MAML1: variants seen among roughly 807,000 people sequenced by gnomAD.
The protein encoded by MAML1 is mastermind like transcriptional coactivator 1.
In MAML1, 14 loss-of-function variants were observed where a neutral mutation model predicts 77.1. The observed-to-expected ratio is 0.18, with a 90% CI of 0.12 to 0.28. MAML1 has a LOEUF of 0.28. Among genes scored for constraint, MAML1 ranks in the 10% least tolerant of loss-of-function variants. The pLI is 1.00. For synonymous variants in MAML1, 516 were observed against 551.9 expected, an observed-to-expected ratio of 0.93 and a Z score of 0.91; for missense variants, 1,217 against 1,327.8, an observed-to-expected ratio of 0.92 and a Z score of 1.30.
At chr5:179,739,932 G>A (rs911871655) in intron 1 of MAML1, among the ~76,000 whole-genome samples, 1 of 152,172 alleles carries the variant, frequency 6.6e-6, no homozygotes, top group African/African-American at 2.4e-5. Flanking sequence ...TAGCGAATAG[G>A]ACAAATTAAA....
Position 179,773,903 on chromosome 5 carries a change from G to C in MAML1, c.2077G>C (p.Ala693Pro), listed in dbSNP as rs1406377494. ...TCTTCTCTGTCTTGTAGGGTCCTCT[G>C]CTGCCGTGCCCGGCATGAACACCTT... The part of the protein sequence containing the change: ...QQVGQFTGSS[A>P]AVPGMNTLGP... Residue 693 changes from alanine to proline, a missense_variant, in exon 5 of 5, where the codon GCT becomes CCT. By Grantham distance (27) the Ala-to-Pro change is conservative. Coordinates refer to ENST00000292599, the MANE Select transcript of MAML1 (RefSeq NM_014757.5). The C allele has an allele frequency of 1.2e-6, 2 of 1,612,796 alleles. No individual in the cohort carries two copies. Among genetic ancestry groups the C allele is most frequent in the Admixed American group, 1.7e-5 (1 of 60,000 alleles).
chr5:179,768,667 G>A (rs776660329), intron 2 of MAML1, among the ~76,000 whole-genome samples, 183 bp from the exon 3 acceptor site: 6 of 152,220 alleles, frequency 3.9e-5, no homozygotes, highest in South Asian at 2.1e-4. Flanking sequence ...GTTGCTAGGC[G>A]CCTGTATGCT....
chr5:179,748,817 A>G (rs1779431409), intron 1 of MAML1, among the ~76,000 whole-genome samples: 1 of 151,984 alleles, frequency 6.6e-6, no homozygotes, highest in Non-Finnish European at 1.5e-5. Context: ...TTTGGACTTC[A>G]TGGCAGCAGC....
Position 179,775,228 on chromosome 5 carries a change from G to A in MAML1, c.*351G>A. 1 of 1,034,656 alleles carries A rather than the reference G, an allele frequency of 9.7e-7. No individual in the cohort carries two copies. The highest frequency in any genetic ancestry group is 1.2e-6 in the Non-Finnish European group (1 of 862,226). 64.1% of individuals were successfully genotyped at this position (1,034,656 alleles called of 1,614,324 possible). A position where few individuals can be genotyped will look rare whatever the true frequency, so the allele number is the denominator to read the frequency against. ...TTATAAAAATCTGTGCCATCATGGT[G>A]ATTTTATCCAAGACTGCTCCACTTA... On this transcript the variant is annotated 3_prime_UTR_variant, in exon 5 of 5. Coordinates refer to ENST00000292599, the MANE Select transcript of MAML1 (RefSeq NM_014757.5).
At chr5:179,758,565 T>C (rs1779669182) in intron 1 of MAML1, among the ~76,000 whole-genome samples, 1 of 151,718 alleles carries the variant, frequency 6.6e-6, no homozygotes, top group Non-Finnish European at 1.5e-5. Context: ...TAATTATTTA[T>C]TTTTTTTAGA....
At chr5:179,763,893 A>G (rs1779764383) in intron 1 of MAML1, among the ~76,000 whole-genome samples, 1 of 133,454 alleles carries the variant, frequency 7.5e-6, no homozygotes, top group Non-Finnish European at 1.6e-5. Context: ...GGTTTATGGG[A>G]AGGGGGGATG....
At chr5:179,746,403 G>T (rs960621412) in intron 1 of MAML1, among the ~76,000 whole-genome samples, 16 of 152,036 alleles carry the variant, frequency 1.1e-4, no homozygotes, top group African/African-American at 3.9e-4. Flanking sequence ...AGACAGTTTC[G>T]CTCTTGTTGC....
At position 179,766,740 on chromosome 5, in the gene MAML1, A is replaced by G. The variant is rs1391152132; in HGVS notation, c.1730A>G (p.Gln577Arg). 1.3e-6 allele frequency: 2 copies of G among 1,540,808 alleles called. No homozygotes were observed. Among genetic ancestry groups the G allele is most frequent in the Middle Eastern group, 1.7e-4 (1 of 5,732 alleles). ...MPFRSLVPPG[Q>R]EQNPSSVPVQ... ...TTCCGATCACTGGTTCCACCTGGCC[A>G]GGTAAGTATGAGCCTTTGCTTTCTG... The change falls in exon 2 of 5, where the codon CAG becomes CGG. Residue 577 changes from glutamine to arginine, a missense_variant and splice_region_variant. Physicochemically the swap from Gln to Arg is conservative, Grantham distance 43. Coordinates refer to ENST00000292599, the MANE Select transcript of MAML1 (RefSeq NM_014757.5). The surrounding 1 kb of genome is among the most constrained non-coding windows in gnomAD (Gnocchi z 4.0).
At chr5:179,758,509 A>G (rs768459014) in intron 1 of MAML1, among the ~76,000 whole-genome samples, 3 of 150,266 alleles carry the variant, frequency 2.0e-5, no homozygotes, top group South Asian at 2.1e-4. Flanking sequence ...TCTCACCTCA[A>G]CCTCCCAAAT....
In MAML1 at chr5:179,769,164, T is replaced by A; in HGVS notation, c.1971+75T>A. 6.3e-7 allele frequency: 1 copy of A among 1,579,108 alleles called. No individual in the cohort carries two copies. Among genetic ancestry groups the A allele is most frequent in the Non-Finnish European group, 8.6e-7 (1 of 1,160,078 alleles). ...CCTGCGTCACTGCTACAGTCACACCTTCTGCTTGTGCGTGTGGATTTGCGC... is the reference window on the plus strand; with the variant it reads ...CCTGCGTCACTGCTACAGTCACACCATCTGCTTGTGCGTGTGGATTTGCGC... On this transcript the variant is annotated intron_variant, in intron 3 of 4. Transcript: ENST00000292599. The surrounding 1 kb of genome is among the most constrained non-coding windows in gnomAD (Gnocchi z 4.2).
At position 179,774,172 on chromosome 5, in the gene MAML1, A is replaced by C; in HGVS notation, c.2346A>C (p.Pro782=). Residue 782 remains proline (P), a synonymous_variant, in exon 5 of 5, where the codon CCA becomes CCC. Coordinates refer to ENST00000292599, the MANE Select transcript of MAML1 (RefSeq NM_014757.5). ...PQATNGHAHI[P]RQTNVGQNTS... Reference sequence around the variant, plus strand: ...CCACCAATGGACATGCCCACATTCCACGGCAGACCAACGTGGGCCAGAACA... The same window carrying C: ...CCACCAATGGACATGCCCACATTCCCCGGCAGACCAACGTGGGCCAGAACA... 6.2e-7 allele frequency: 1 copy of C among 1,613,478 alleles called. No individual in the cohort carries two copies. The highest frequency in any genetic ancestry group is 8.5e-7 in the Non-Finnish European group (1 of 1,179,994).
At position 179,766,649 on chromosome 5, in the gene MAML1, CTGT is replaced by C. The variant is rs1252029740; in HGVS notation, c.1640_1642del (p.Leu547_Ser548delinsPro). 11 of 1,612,172 alleles carry C rather than the reference CTGT, an allele frequency of 6.8e-6. No individual in the cohort carries two copies. The highest frequency in any genetic ancestry group is 9.3e-6 in the Non-Finnish European group (11 of 1,178,806). ...CCTGATGGCTTATCTTCCCCAGCAGCTGTCCCATATAAGTCACGAGCAGAACTC... is the reference window on the plus strand; with the variant it reads ...CCTGATGGCTTATCTTCCCCAGCAGCCCCATATAAGTCACGAGCAGAACTC... On this transcript the variant is annotated inframe_deletion, in exon 2 of 5. Coordinates refer to ENST00000292599, the MANE Select transcript of MAML1 (RefSeq NM_014757.5). The surrounding 1 kb of genome is among the most constrained non-coding windows in gnomAD (Gnocchi z 4.0).
intron 1 of MAML1, among the ~76,000 whole-genome samples, chr5:179,739,786 G>A (rs1359921452): frequency 6.6e-6 from 1 of 152,220 alleles, no homozygotes; most frequent in Non-Finnish European, 1.5e-5. Flanking sequence ...CCTGGAAGAT[G>A]TGTATATATT....
intron 1 of MAML1, among the ~76,000 whole-genome samples, chr5:179,753,025 G>A (rs1279724440): frequency 6.6e-6 from 1 of 152,102 alleles, no homozygotes; most frequent in Admixed American, 6.6e-5. Flanking sequence ...CGCCCGTCTT[G>A]GCCTCCCAAA....
At chr5:179,739,919 C>G (rs1360853131) in intron 1 of MAML1, among the ~76,000 whole-genome samples, 1 of 152,114 alleles carries the variant, frequency 6.6e-6, no homozygotes, top group Non-Finnish European at 1.5e-5. Context: ...CTGCTGTGTA[C>G]AGTAGCGAAT....
rs147998084 is a variant in MAML1 at position 179,766,436 on chromosome 5, C to G, written c.1426C>G (p.Arg476Gly). 9 of 1,612,694 alleles carry G rather than the reference C, an allele frequency of 5.6e-6. No homozygotes were observed. The highest frequency in any genetic ancestry group is 6.8e-6 in the Non-Finnish European group (8 of 1,179,382). Residue 476 changes from arginine to glycine, a missense_variant, in exon 2 of 5, where the codon CGG becomes GGG. Arg to Gly is a moderately radical substitution (Grantham distance 125, BLOSUM62 -2). Transcript: ENST00000292599. The surrounding 1 kb of genome is among the most constrained non-coding windows in gnomAD (Gnocchi z 4.0). ...GCCTAGTGTGAATAAGAGTTCCCCT[C>G]GGCCCGGAGGCCCCTACCTCCAGCC... ...MMPSVNKSSP[R>G]PGGPYLQPSH...
intron 1 of MAML1, among the ~76,000 whole-genome samples, chr5:179,764,995 A>ATGTGTGTG (rs34922506): frequency 8.1e-5 from 12 of 147,592 alleles, no homozygotes; most frequent in Admixed American, 2.7e-4. Flanking sequence ...TAATATATAT[A>ATGTGTGTG]TGTGTGTGTG....
At chr5:179,733,822 C>G (rs1259790714) in intron 1 of MAML1, among the ~76,000 whole-genome samples, 2 of 152,216 alleles carry the variant, frequency 1.3e-5, no homozygotes, top group East Asian at 1.9e-4. Context: ...TTTATTGGGT[C>G]CTTGCCCTTT....
At chr5:179,739,640 C>T (rs986121986) in intron 1 of MAML1, among the ~76,000 whole-genome samples, 3 of 152,148 alleles carry the variant, frequency 2.0e-5, no homozygotes, top group Admixed American at 1.3e-4. Context: ...GCTATGATTG[C>T]GCCACTGCAC....
Sources: allele counts gnomAD v4.1 joint callset (sites outside exome capture counted in the v4.1 genomes callset), GRCh38; gene constraint gnomAD v4.1.1; non-coding constraint Gnocchi (gnomAD v3.1); transcripts MANE v1.5; gene names NCBI Gene and HGNC (gene_info 2026-07-23, HGNC 2026-07-21).